PXDNL: variants seen among roughly 807,000 people sequenced by gnomAD.
PXDNL encodes peroxidasin like, also known as probable oxidoreductase PXDNL.
PXDNL carries 145 observed loss-of-function variants against 150.8 expected under a neutral mutation model. The ratio of observed to expected loss-of-function variants is 0.96; its 90% CI spans 0.84 to 1.10. The LOEUF (loss-of-function observed/expected upper bound fraction) is 1.10, where lower values mean the gene tolerates loss of function less well. Ranked by LOEUF, PXDNL falls within the 50% of genes least tolerant of loss-of-function variation. The pLI, the probability that PXDNL is intolerant of heterozygous loss-of-function variation, is 0.00. For synonymous variants in PXDNL, 757 were observed against 725.7 expected, an observed-to-expected ratio of 1.04 and a Z score of -0.69; for missense variants, 2,087 against 1,873.9, an observed-to-expected ratio of 1.11 and a Z score of -2.10.
chr8:51,321,813 ACTAACAC>A (rs1805325039), intron 21 of PXDNL, among the ~76,000 whole-genome samples: 1 of 152,142 alleles, frequency 6.6e-6, no homozygotes. Context: ...GTGAGAATGA[ACTAACAC>A]AGAAGCCACA....
intron 1 of PXDNL, among the ~76,000 whole-genome samples, chr8:51,691,513 C>T (rs1815997572): frequency 6.6e-6 from 1 of 151,136 alleles, no homozygotes; most frequent in Non-Finnish European, 1.5e-5. Context: ...TTCTAAAAAA[C>T]ATGGCTATTA....
chr8:51,436,418 T>G, intron 12 of PXDNL: 1 of 393,686 alleles, frequency 2.5e-6, no homozygotes, highest in Non-Finnish European at 5.2e-6. Flanking sequence ...ATAAGATCCA[T>G]CACACCTGCA....
rs374220447 is a variant in PXDNL, at chr8:51,560,287, AT to A, written c.309-3377del. Among the ~76,000 whole-genome samples the A allele has an allele frequency of 6.0e-5, 9 of 150,838 alleles. 1 individual carries two copies. The highest frequency in any genetic ancestry group is 1.7e-4 in the African/African-American group (7 of 41,288). On this transcript the variant is annotated intron_variant, in intron 3 of 22. Transcript: ENST00000356297. The stretch of plus-strand genomic sequence containing the variant: ...CAATCCCTATCAGCATTTCAATGGC[AT>A]TTTTTTTTGCAGAAATAGGGAATCT...
rs552023049 is a variant in PXDNL at position 51,764,134 on chromosome 8, T to G, written c.164+45047A>C. Among the ~76,000 whole-genome samples the G allele has an allele frequency of 8.5e-5, 13 of 152,332 alleles. No homozygotes were observed. In the East Asian group the frequency reaches 1.9e-3, roughly 23 times the overall value. ...TATAATCCCTTTTATTTCTATAATT[T>G]CAGAAATAATGTCCTCTCTTTATTC... On this transcript the variant is annotated intron_variant, in intron 1 of 22. Coordinates refer to ENST00000356297, the MANE Select transcript of PXDNL (RefSeq NM_144651.5).
intron 1 of PXDNL, among the ~76,000 whole-genome samples, chr8:51,774,607 A>G (rs2129244475): frequency 6.6e-6 from 1 of 152,228 alleles, no homozygotes; most frequent in South Asian, 2.1e-4. Flanking sequence ...TCATGAAGTC[A>G]GGAGATCGAG....
intron 17 of PXDNL, among the ~76,000 whole-genome samples, chr8:51,394,763 T>A (rs1288715340): frequency 6.6e-6 from 1 of 152,332 alleles, no homozygotes; most frequent in East Asian, 1.9e-4. Context: ...GCATTCATAG[T>A]GCCCTCTTTT....
In PXDNL at chr8:51,475,016, T is replaced by G. The variant is rs771004095; in HGVS notation, c.650A>C (p.His217Pro). 5 of 1,610,944 alleles carry G rather than the reference T, an allele frequency of 3.1e-6. No individual in the cohort carries two copies. The highest frequency in any genetic ancestry group is 3.4e-6 in the Non-Finnish European group (4 of 1,178,338). Residue 217 changes from histidine to proline, a missense_variant, in exon 7 of 23, where the codon CAT becomes CCT. Coordinates refer to ENST00000356297, the MANE Select transcript of PXDNL (RefSeq NM_144651.5). Reference sequence around the variant, plus strand: ...TGTTACTGAAGCAACTGCACGCCCATGGAGTCTCCTGGGATATTCGCAGGT... The same window carrying G: ...TGTTACTGAAGCAACTGCACGCCCAGGGAGTCTCCTGGGATATTCGCAGGT... ...AATCEYPRRL[H>P]GRAVASVTVE...
chr8:51,411,169 A>G (rs993796569), intron 16 of PXDNL, 81 bp downstream of exon 16: 1 of 1,164,190 alleles, frequency 8.6e-7, no homozygotes, highest in African/African-American at 1.6e-5. Flanking sequence ...CTGGAGATTA[A>G]AAGTTCAGTG....
intron 1 of PXDNL, among the ~76,000 whole-genome samples, chr8:51,661,078 T>C (rs1489262223): frequency 6.6e-6 from 1 of 152,236 alleles, no homozygotes; most frequent in African/African-American, 2.4e-5. Context: ...CTAAAACAAG[T>C]CGTCTTCATC....
rs999269172 is a variant in PXDNL at position 51,408,473 on chromosome 8, C to T, written c.3151G>A (p.Ala1051Thr). Residue 1051 changes from alanine (A) to threonine (T), a missense_variant, in exon 17 of 23, where the codon GCA (alanine) becomes ACA (threonine). Physicochemically the swap from Ala to Thr is moderately conservative, Grantham distance 58 (BLOSUM62 0). Transcript: ENST00000356297. ...NAGIINSFAT[A>T]AFRFGHTLIN... ...AATGTGTGGCCAAATCTAAAGGCTG[C>T]AGTAGCAAAAGAGTTAATGATGCCT... 2 of 1,613,688 alleles carry T rather than the reference C, an allele frequency of 1.2e-6. No individual in the cohort carries two copies. The highest frequency in any genetic ancestry group is 2.7e-5 in the African/African-American group (2 of 74,960).
At chr8:51,781,796 C>A (rs550730455) in intron 1 of PXDNL, among the ~76,000 whole-genome samples, 1 of 152,184 alleles carries the variant, frequency 6.6e-6, no homozygotes, top group Non-Finnish European at 1.5e-5. Flanking sequence ...ATTCAATATC[C>A]ATTTCCAGAT....
intron 1 of PXDNL, among the ~76,000 whole-genome samples, chr8:51,762,693 A>C (rs547124311): frequency 6.6e-6 from 1 of 152,296 alleles, no homozygotes; most frequent in South Asian, 2.1e-4. Flanking sequence ...TTGATGTCTC[A>C]TGTCTTCCTA....
intron 1 of PXDNL, among the ~76,000 whole-genome samples, chr8:51,667,404 T>C (rs4471027): frequency 0.94 from 142,748 of 152,310 alleles, 67,017 homozygotes; most frequent in East Asian, 0.99. Context: ...TCCATGTTAG[T>C]TTTACACGTG....
intron 17 of PXDNL, among the ~76,000 whole-genome samples, chr8:51,377,371 G>C (rs538510404): frequency 2.0e-5 from 3 of 152,092 alleles, no homozygotes; most frequent in Non-Finnish European, 4.4e-5. Context: ...GCCCTCACTC[G>C]CTGTCGCGGC....
At chr8:51,512,774 A>G (rs1811449169) in intron 4 of PXDNL, among the ~76,000 whole-genome samples, 1 of 152,172 alleles carries the variant, frequency 6.6e-6, no homozygotes, top group Non-Finnish European at 1.5e-5. Context: ...TGCAGTCACA[A>G]TCACGTGACT....
chr8:51,517,678 G>C (rs1204229705), intron 4 of PXDNL, among the ~76,000 whole-genome samples: 2 of 152,140 alleles, frequency 1.3e-5, no homozygotes, highest in African/African-American at 2.4e-5. Flanking sequence ...TTTTATCAAG[G>C]GATAATTTTA....
intron 1 of PXDNL, among the ~76,000 whole-genome samples, chr8:51,744,293 G>GAAGA (rs139562733): frequency 0.96 from 133,951 of 139,400 alleles, 64,508 homozygotes; most frequent in South Asian, 1. Flanking sequence ...AGGAAAGAAG[G>GAAGA]AAGAAAGAAA....
At position 51,345,814 on chromosome 8, in the gene PXDNL, G is replaced by A. The variant is rs1451319620; in HGVS notation, c.4016+19C>T. Reference sequence around the variant, plus strand: ...TCTATAGTAAGTTGCCTAAAGAAATGAGATATTTCTATACATACCTACTTC... The same window carrying A: ...TCTATAGTAAGTTGCCTAAAGAAATAAGATATTTCTATACATACCTACTTC... On this transcript the variant is annotated intron_variant, in intron 20 of 22. Coordinates refer to ENST00000356297, the MANE Select transcript of PXDNL (RefSeq NM_144651.5). 2.8e-6 allele frequency: 4 copies of A among 1,445,856 alleles called. No homozygotes were observed. Among genetic ancestry groups the A allele is most frequent in the Non-Finnish European group, 3.9e-6 (4 of 1,032,638 alleles). 89.6% of individuals were successfully genotyped at this position (1,445,856 alleles called of 1,614,324 possible).
intron 17 of PXDNL, among the ~76,000 whole-genome samples, chr8:51,394,608 G>C (rs1236561089): frequency 6.6e-6 from 1 of 152,176 alleles, no homozygotes; most frequent in Non-Finnish European, 1.5e-5. Flanking sequence ...CACTCTGCCA[G>C]GTAGTGGGAC....
Sources: allele counts gnomAD v4.1 joint callset (sites outside exome capture counted in the v4.1 genomes callset), GRCh38; gene constraint gnomAD v4.1.1; transcripts MANE v1.5; gene names NCBI Gene and HGNC (gene_info 2026-07-23, HGNC 2026-07-21).